SORCS3: variants seen among roughly 807,000 people sequenced by gnomAD.
The protein encoded by SORCS3 is sortilin related VPS10 domain containing receptor 3.
Under a neutral mutation model 146.3 loss-of-function variants are expected in SORCS3, and 57 were observed. The ratio of observed to expected loss-of-function variants is 0.39; its 90% CI spans 0.31 to 0.49. The LOEUF (loss-of-function observed/expected upper bound fraction) is 0.49, where lower values mean the gene tolerates loss of function less well. Among genes scored for constraint, SORCS3 ranks in the 20% least tolerant of loss-of-function variants. The probability of loss-of-function intolerance (pLI) is 0.92; values close to 1 mark genes in which losing one functional copy is unlikely to be tolerated. For synonymous variants in SORCS3, 653 were observed against 618.5 expected (o/e 1.06, Z -0.83); for missense variants, 1,341 against 1,575.5 (o/e 0.85, Z 2.52).
intron 2 of SORCS3, among the ~76,000 whole-genome samples, chr10:104,853,456 A>C (rs2133554875): frequency 6.6e-6 from 1 of 152,372 alleles, no homozygotes; most frequent in East Asian, 1.9e-4. Context: ...ATTGCCCAAC[A>C]TTTGGAAGAA....
chr10:104,746,679 C>T (rs1201603594), intron 1 of SORCS3, among the ~76,000 whole-genome samples: 1 of 152,202 alleles, frequency 6.6e-6, no homozygotes, highest in Non-Finnish European at 1.5e-5. Flanking sequence ...CCCGCTCCCC[C>T]AGGTTCTGTA....
At chr10:105,027,768 T>G (rs922604593) in intron 4 of SORCS3, among the ~76,000 whole-genome samples, 1 of 152,194 alleles carries the variant, frequency 6.6e-6, no homozygotes, top group African/African-American at 2.4e-5. Context: ...GGTAATCTCC[T>G]TGTTTAAAAT....
intron 2 of SORCS3, among the ~76,000 whole-genome samples, chr10:104,877,326 G>T (rs1589533158): frequency 6.6e-6 from 1 of 151,634 alleles, no homozygotes; most frequent in Non-Finnish European, 1.5e-5. Flanking sequence ...ATCTTTCATT[G>T]CCCAGCCCCA....
chr10:104,677,540 G>A (rs2015925191), intron 1 of SORCS3, among the ~76,000 whole-genome samples: 1 of 152,204 alleles, frequency 6.6e-6, no homozygotes, highest in African/African-American at 2.4e-5. Flanking sequence ...CATTTGTTGT[G>A]TGGCAGAAAA....
intron 5 of SORCS3, among the ~76,000 whole-genome samples, chr10:105,077,782 A>G (rs553683412): frequency 8.5e-5 from 13 of 152,164 alleles, no homozygotes; most frequent in Admixed American, 6.5e-4. Context: ...GAATTCTTTG[A>G]TGCAGCTTGG....
At chr10:104,755,980 G>A (rs2017045613) in intron 1 of SORCS3, among the ~76,000 whole-genome samples, 1 of 152,158 alleles carries the variant, frequency 6.6e-6, no homozygotes, top group African/African-American at 2.4e-5. Context: ...CTAGGGACAT[G>A]TCTGGAATGA....
chr10:104,969,276 G>C (rs2054844366), intron 3 of SORCS3, among the ~76,000 whole-genome samples: 1 of 151,244 alleles, frequency 6.6e-6, no homozygotes, highest in South Asian at 2.1e-4. Context: ...TTTTGGGCGG[G>C]TTTCTCAGAG....
intron 13 of SORCS3, among the ~76,000 whole-genome samples, chr10:105,175,683 C>T (rs1291296624): frequency 6.6e-6 from 1 of 152,090 alleles, no homozygotes; most frequent in Non-Finnish European, 1.5e-5. Context: ...TTAGATATGC[C>T]CAACTTTCTT....
rs141118152 is a variant in SORCS3 at position 105,036,140 on chromosome 10, T to C, written c.955-6915T>C. On this transcript the variant is annotated intron_variant, in intron 4 of 26. Coordinates refer to ENST00000369701, the MANE Select transcript of SORCS3 (RefSeq NM_014978.3). ...GTAGGAAGATGAGATCATGTTTCTG[T>C]TAGGTTTCCAAACTTTTTCCTAATG... 4.3e-4 allele frequency among the ~76,000 whole-genome samples: 65 copies of C among 152,312 alleles called. No individual in the cohort carries two copies. The East Asian group carries it at 7.3e-3, about 17-fold the overall frequency.
chr10:104,741,700 G>GC (rs1554848072), intron 1 of SORCS3, among the ~76,000 whole-genome samples: 1 of 3,244 alleles, frequency 3.1e-4, no homozygotes, highest in Non-Finnish European at 5.6e-4. Context: ...TCCATTCTGG[G>GC]TTTTTTTTTT....
intron 1 of SORCS3, among the ~76,000 whole-genome samples, chr10:104,722,220 C>T (rs2016558571): frequency 6.6e-6 from 1 of 152,156 alleles, no homozygotes; most frequent in South Asian, 2.1e-4. Flanking sequence ...GCCTTTTCTG[C>T]ATCTATTGAG....
At chr10:104,940,249 TTTTTTTA>T (rs1308213681) in intron 3 of SORCS3, among the ~76,000 whole-genome samples, 1 of 117,628 alleles carries the variant, frequency 8.5e-6, no homozygotes, top group African/African-American at 3.2e-5. Flanking sequence ...TTTTTTTTTT[TTTTTTTA>T]TTATACTTTA....
chr10:105,086,893 G>A (rs541790595), intron 5 of SORCS3, among the ~76,000 whole-genome samples: 123 of 152,322 alleles, frequency 8.1e-4, no homozygotes, highest in Non-Finnish European at 1.4e-3. Flanking sequence ...TTCTTTTGCT[G>A]CGTAGAAGCT....
rs140407183 is a variant in SORCS3, at chr10:104,812,654, C to T, written c.628-30138C>T. ...AACTCCAGCCCCTAATGGGCCTTTC[C>T]CATTGGAACCAGGTTTTACTCTTAA... On this transcript the variant is annotated intron_variant, in intron 1 of 26. Coordinates refer to ENST00000369701, the MANE Select transcript of SORCS3 (RefSeq NM_014978.3). Among the ~76,000 whole-genome samples, 1,256 of 152,258 alleles carry T rather than the reference C, an allele frequency of 8.2e-3. 8 individuals carry two copies. Among genetic ancestry groups the T allele is most frequent in the Non-Finnish European group, 0.012 (836 of 68,028 alleles).
chr10:104,877,220 A>T (rs1039407363), intron 2 of SORCS3, among the ~76,000 whole-genome samples: 4 of 152,110 alleles, frequency 2.6e-5, no homozygotes, highest in Admixed American at 2.0e-4. Context: ...CACCTAGTCC[A>T]GTCACCATTA....
In SORCS3 at chr10:105,264,245, G is replaced by A. The variant is rs1264804302; in HGVS notation, c.*871G>A. The stretch of plus-strand genomic sequence containing the variant: ...TTTTGTTCCAAGAATGATATGAAAG[G>A]TGAAGAAGAGGCCCACTAGAGGCTT... On this transcript the variant is annotated 3_prime_UTR_variant, in exon 27 of 27. Transcript: ENST00000369701. 6.6e-6 allele frequency: 1 copy of A among 151,926 alleles called. No individual in the cohort carries two copies. The highest frequency in any genetic ancestry group is 1.5e-5 in the Non-Finnish European group (1 of 67,996). 9.4% of individuals were successfully genotyped at this position (151,926 alleles called of 1,614,324 possible). A position where few individuals can be genotyped will look rare whatever the true frequency, so the allele number is the denominator to read the frequency against.
intron 1 of SORCS3, among the ~76,000 whole-genome samples, chr10:104,827,527 G>A (rs2133533934): frequency 6.6e-6 from 1 of 152,220 alleles, no homozygotes; most frequent in Non-Finnish European, 1.5e-5. Context: ...AAACTGTGCT[G>A]TAAAAAGATG....
intron 3 of SORCS3, among the ~76,000 whole-genome samples, chr10:104,952,613 C>G (rs1295141984): frequency 6.6e-6 from 1 of 152,120 alleles, no homozygotes; most frequent in African/African-American, 2.4e-5. Context: ...GAAAGTTCTT[C>G]CATTTTCTGC....
chr10:105,230,692 G>A (rs2056760964), intron 20 of SORCS3, among the ~76,000 whole-genome samples: 1 of 152,186 alleles, frequency 6.6e-6, no homozygotes. Flanking sequence ...CCAGTGGCCT[G>A]TGCCTTAGTC....
Sources: allele counts gnomAD v4.1 joint callset (sites outside exome capture counted in the v4.1 genomes callset), GRCh38; gene constraint gnomAD v4.1.1; transcripts MANE v1.5; gene names NCBI Gene and HGNC (gene_info 2026-07-23, HGNC 2026-07-21).